The following TMPRSS3 variants were observed in gnomAD, a reference collection of about 807,000 sequenced individuals.
TMPRSS3 encodes transmembrane protease serine 3.
Under a neutral mutation model 59.6 loss-of-function variants are expected in TMPRSS3, and 55 were observed. The ratio of observed to expected loss-of-function variants is 0.92; its 90% CI spans 0.74 to 1.16. TMPRSS3 has a LOEUF of 1.16. Ranked by LOEUF, TMPRSS3 falls within the 50% of genes most tolerant of loss-of-function variation. The probability of loss-of-function intolerance (pLI) is 0.00; values close to 1 mark genes in which losing one functional copy is unlikely to be tolerated. For missense variants in TMPRSS3, 596 were observed against 579.4 expected, an observed-to-expected ratio of 1.03 and a Z score of -0.29; for synonymous variants, 257 against 237.7, an observed-to-expected ratio of 1.08 and a Z score of -0.75.
At chr21:42,389,269 A>G (rs2052693950) in intron 3 of TMPRSS3, 1 of 346,160 alleles carries the variant, frequency 2.9e-6, no homozygotes, top group Admixed American at 6.5e-5. Context: ...GGCCTGGCCC[A>G]GGAACCACAG....
intron 10 of TMPRSS3, among the ~76,000 whole-genome samples, chr21:42,377,394 G>A (rs968977294): frequency 2.0e-5 from 3 of 152,348 alleles, no homozygotes; most frequent in East Asian, 1.9e-4. Context: ...AGCAGTGTGG[G>A]CAGAGTGCAG....
chr21:42,393,241 T>A (rs375263276), intron 2 of TMPRSS3, among the ~76,000 whole-genome samples: 27 of 89,546 alleles, frequency 3.0e-4, no homozygotes, highest in African/African-American at 1.3e-3. Flanking sequence ...CGAGACCTCG[T>A]CTCAAGAAAA....
chr21:42,383,888 G>T (rs748136160), intron 7 of TMPRSS3, 82 bp downstream of exon 7: 10 of 1,454,348 alleles, frequency 6.9e-6, no homozygotes, highest in East Asian at 2.3e-5. Context: ...AGCCCCATGG[G>T]GGGAGAGGAC....
intron 9 of TMPRSS3, among the ~76,000 whole-genome samples, chr21:42,380,578 G>T (rs1230847658): frequency 6.6e-6 from 1 of 152,242 alleles, no homozygotes; most frequent in African/African-American, 2.4e-5. Context: ...CATAGGTGTG[G>T]CTGTGTCCAG....
At position 42,388,436 on chromosome 21, in the gene TMPRSS3, GC is replaced by G; in HGVS notation, c.412del (p.Ala138GlnfsTer14). 1 of 1,614,240 alleles carries G rather than the reference GC, an allele frequency of 6.2e-7. No individual in the cohort carries two copies. The highest frequency in any genetic ancestry group is 8.5e-7 in the Non-Finnish European group (1 of 1,180,048). ...ACCCAGTTGGGCACAGGCAACATTTGCGTAGTGACCCTTCCAGTCATCGGAG... is the reference window on the plus strand; with the variant it reads ...ACCCAGTTGGGCACAGGCAACATTTGGTAGTGACCCTTCCAGTCATCGGAG... Reference protein sequence around the residue: ...MCSDDWKGHYANVACAQLGFP... With the variant: ...MCSDDWKGHYXNVACAQLGFP... On this transcript the variant is annotated frameshift_variant, in exon 5 of 13. Transcript: ENST00000644384. LOFTEE classifies it high-confidence loss of function. This position sits in a 1 kb window ranked among gnomAD's most constrained non-coding sequence, Gnocchi z 5.1.
At position 42,382,048 on chromosome 21, in the gene TMPRSS3, T is replaced by C. The variant is rs115489719; in HGVS notation, c.952+17A>G. 3,380 of 1,614,164 alleles carry C rather than the reference T, an allele frequency of 2.1e-3. 42 individuals carry two copies. In the African/African-American group the frequency reaches 0.034, roughly 16 times the overall value. ...ACAAAGGAAGAGCTGCAGAACCACA[T>C]AGAGACCCAGATGTACCATTGAACG... On this transcript the variant is annotated intron_variant, in intron 9 of 12. Transcript: ENST00000644384.
At chr21:42,383,416 G>C in intron 7 of TMPRSS3, 1 of 608,622 alleles carries the variant, frequency 1.6e-6, no homozygotes, top group South Asian at 1.9e-5. Flanking sequence ...GGAGGATGCG[G>C]TGGGAAAAGC....
intron 10 of TMPRSS3, among the ~76,000 whole-genome samples, chr21:42,378,668 C>A (rs2052470150): frequency 1.3e-5 from 2 of 152,176 alleles, no homozygotes; most frequent in Admixed American, 6.5e-5. Flanking sequence ...GGAAAACCAC[C>A]CTACAGACAC....
chr21:42,393,048 C>T lies in TMPRSS3; in HGVS notation c.94+2276G>A, dbSNP rs144660433. The stretch of plus-strand genomic sequence containing the variant: ...ATGAAAAAGCTTTCAACTTCTTGAC[C>T]AGCCTGCCCAACACGGTGAAACCCG... On this transcript the variant is annotated intron_variant, in intron 2 of 12. Coordinates refer to ENST00000644384, the MANE Select transcript of TMPRSS3 (RefSeq NM_001256317.3). 4.1e-4 allele frequency among the ~76,000 whole-genome samples: 62 copies of T among 152,246 alleles called. 3 individuals are homozygous for T. In the East Asian group the frequency reaches 0.012, roughly 29 times the overall value.
At chr21:42,377,592 T>C (rs539985135) in intron 10 of TMPRSS3, among the ~76,000 whole-genome samples, 1 of 152,306 alleles carries the variant, frequency 6.6e-6, no homozygotes, top group African/African-American at 2.4e-5. Context: ...GGAGACTTAA[T>C]CCACGTGCAG....
At position 42,383,278 on chromosome 21, in the gene TMPRSS3, C is replaced by T. The variant is rs929005062; in HGVS notation, c.617-80G>A. The T allele has an allele frequency of 3.7e-5, 54 of 1,473,214 alleles. No individual in the cohort carries two copies. The African/African-American group carries it at 5.4e-4, about 15-fold the overall frequency. The allele number at this position is 1,473,214 out of a possible 1,614,324, so 91.3% of individuals were successfully genotyped here. A position where few individuals can be genotyped will look rare whatever the true frequency, so the allele number is the denominator to read the frequency against. ...ATGGTGTCACCACCATGCACCTGCTCCTCTCTCCCCACCCTCACTGCCCCT... is the reference window on the plus strand; with the variant it reads ...ATGGTGTCACCACCATGCACCTGCTTCTCTCTCCCCACCCTCACTGCCCCT... On this transcript the variant is annotated intron_variant, in intron 7 of 12. Transcript: ENST00000644384.
intron 5 of TMPRSS3, among the ~76,000 whole-genome samples, chr21:42,386,929 A>T (rs1309550502): frequency 6.6e-6 from 1 of 152,222 alleles, no homozygotes; most frequent in Non-Finnish European, 1.5e-5. Context: ...GAAGCAATGG[A>T]TAGAGAACAA....
intron 9 of TMPRSS3, 27 bp downstream of exon 9, chr21:42,382,038 C>T (rs1030676499): frequency 1.2e-6 from 2 of 1,614,202 alleles, no homozygotes; most frequent in African/African-American, 2.7e-5. Flanking sequence ...GGAAGAGCTG[C>T]AGAACCACAT....
At chr21:42,373,227 T>C (rs964360581) in intron 12 of TMPRSS3, among the ~76,000 whole-genome samples, 3 of 152,128 alleles carry the variant, frequency 2.0e-5, no homozygotes, top group Non-Finnish European at 4.4e-5. Flanking sequence ...TTCCTCACAA[T>C]GGACAACTGA....
At chr21:42,382,399 G>A (rs746055712) in intron 8 of TMPRSS3, 165 bp from the exon 9 acceptor site, 89 of 681,140 alleles carry the variant, frequency 1.3e-4, no homozygotes, top group Non-Finnish European at 1.8e-4. Context: ...GCACTGCCAC[G>A]CCCTACAGAA....
chr21:42,373,258 G>A (rs1257765202), intron 12 of TMPRSS3, among the ~76,000 whole-genome samples: 1 of 152,212 alleles, frequency 6.6e-6, no homozygotes, highest in Non-Finnish European at 1.5e-5. Context: ...GGGCCTGCTG[G>A]AAAGCCTCCC....
At chr21:42,373,547 G>A (rs1487332928) in intron 12 of TMPRSS3, among the ~76,000 whole-genome samples, 1 of 152,184 alleles carries the variant, frequency 6.6e-6, no homozygotes, top group Non-Finnish European at 1.5e-5. Context: ...ATTCACCAGG[G>A]TCTTCACCCC....
intron 7 of TMPRSS3, 196 bp downstream of exon 7, chr21:42,383,774 C>G: frequency 1.4e-6 from 1 of 721,574 alleles, no homozygotes; most frequent in South Asian, 1.5e-5. Flanking sequence ...CTGTCTCCCC[C>G]ACCTGACAGG....
Position 42,372,493 on chromosome 21 carries a change from G to A in TMPRSS3, c.*269C>T. 1 of 620,374 alleles carries A rather than the reference G, an allele frequency of 1.6e-6. No individual in the cohort carries two copies. The highest frequency in any genetic ancestry group is 3.0e-6 in the Non-Finnish European group (1 of 334,978). 38.4% of individuals were successfully genotyped at this position (620,374 alleles called of 1,614,324 possible). On this transcript the variant is annotated 3_prime_UTR_variant, in exon 13 of 13. Transcript: ENST00000644384. ...GAGAATCGCTTGAACCAGGGAAGCG[G>A]AGGCTGCAGTGAGCAGGGATTTCGC...
Sources: allele counts gnomAD v4.1 joint callset (sites outside exome capture counted in the v4.1 genomes callset), GRCh38; gene constraint gnomAD v4.1.1; non-coding constraint Gnocchi (gnomAD v3.1); transcripts MANE v1.5; gene names NCBI Gene and HGNC (gene_info 2026-07-23, HGNC 2026-07-21).